ABAT: variants seen among roughly 807,000 people sequenced by gnomAD.
ABAT encodes 4-aminobutyrate aminotransferase, mitochondrial.
A neutral mutation model predicts 64.6 loss-of-function variants in ABAT; 45 were observed. The ratio of observed to expected loss-of-function variants is 0.70; its 90% CI spans 0.55 to 0.89. The LOEUF (loss-of-function observed/expected upper bound fraction) is 0.89, where lower values mean the gene tolerates loss of function less well. Among genes scored for constraint, ABAT ranks in the 40% least tolerant of loss-of-function variants. ABAT has a pLI of 0.00. For synonymous variants in ABAT, 297 were observed against 250.5 expected (o/e 1.19, Z -1.75); for missense variants, 633 against 658.4 (o/e 0.96, Z 0.42).
chr16:8,753,518 C>G (rs1033452701), intron 5 of ABAT, among the ~76,000 whole-genome samples: 1 of 152,218 alleles, frequency 6.6e-6, no homozygotes, highest in African/African-American at 2.4e-5. Flanking sequence ...GGACCAGCTC[C>G]GCTTTCATCT....
intron 3 of ABAT, among the ~76,000 whole-genome samples, chr16:8,746,726 AAAAG>A (rs1021070409): frequency 2.0e-5 from 3 of 152,096 alleles, no homozygotes; most frequent in African/African-American, 4.8e-5. Flanking sequence ...AAAAAAAAGA[AAAAG>A]AAGCCAACGA....
intron 1 of ABAT, among the ~76,000 whole-genome samples, chr16:8,724,075 A>G (rs1326459404): frequency 1.3e-5 from 2 of 151,810 alleles, no homozygotes; most frequent in African/African-American, 4.8e-5. Context: ...TCCTGACCTC[A>G]GGTGATCCAT....
chr16:8,764,610 C>A lies in ABAT; in HGVS notation c.448-128C>A, dbSNP rs1444381419. 7 of 922,244 alleles carry A rather than the reference C, an allele frequency of 7.6e-6. No homozygotes were observed. The highest frequency in any genetic ancestry group is 1.2e-5 in the Non-Finnish European group (7 of 574,196). 57.1% of individuals were successfully genotyped at this position (922,244 alleles called of 1,614,324 possible). The stretch of plus-strand genomic sequence containing the variant: ...CTGAGCCCACCCTCCCAGTCCGACA[C>A]CTTCCAGGACAGCCCTGGTTCTGTC... On this transcript the variant is annotated intron_variant, in intron 7 of 15. Transcript: ENST00000268251. This position sits in a 1 kb window ranked among gnomAD's most constrained non-coding sequence, Gnocchi z 4.2.
At chr16:8,735,399 G>A (rs2058890917) in intron 1 of ABAT, among the ~76,000 whole-genome samples, 1 of 151,904 alleles carries the variant, frequency 6.6e-6, no homozygotes, top group Non-Finnish European at 1.5e-5. Flanking sequence ...CTATAGGCAG[G>A]CACCACCACA....
At chr16:8,681,458 C>CTTT (rs34327953) in intron 1 of ABAT, among the ~76,000 whole-genome samples, 2,381 of 133,650 alleles carry the variant, frequency 0.018, 65 homozygotes, top group Middle Eastern at 0.048. Context: ...AGCCTCTACA[C>CTTT]TTTTTTTTTT....
chr16:8,682,370 AT>A (rs2141918394), intron 1 of ABAT, among the ~76,000 whole-genome samples: 1 of 152,258 alleles, frequency 6.6e-6, no homozygotes, highest in South Asian at 2.1e-4. Context: ...AATGAATCCA[AT>A]TTACAAATTC....
chr16:8,753,804 C>T (rs1292589690), intron 5 of ABAT, among the ~76,000 whole-genome samples: 1 of 152,140 alleles, frequency 6.6e-6, no homozygotes, highest in Non-Finnish European at 1.5e-5. Context: ...CCCTCCAAGG[C>T]TGTCTCATCC....
At chr16:8,739,716 C>G (rs2059106415) in intron 2 of ABAT, among the ~76,000 whole-genome samples, 2 of 151,664 alleles carry the variant, frequency 1.3e-5, no homozygotes, top group Non-Finnish European at 1.5e-5. Flanking sequence ...TGTCCTAACT[C>G]CCATTTTACA....
intron 14 of ABAT, among the ~76,000 whole-genome samples, chr16:8,778,100 A>G (rs1567318701): frequency 6.6e-6 from 1 of 152,034 alleles, no homozygotes; most frequent in African/African-American, 2.4e-5. Context: ...CCCTGAAATT[A>G]TTTGGGGTTT....
intron 1 of ABAT, among the ~76,000 whole-genome samples, chr16:8,701,304 G>A (rs1395340694): frequency 1.3e-5 from 2 of 151,728 alleles, no homozygotes; most frequent in Non-Finnish European, 2.9e-5. Flanking sequence ...GGAGCATATA[G>A]TAGTGAGCTG....
At chr16:8,736,013 T>A (rs1262500771) in intron 2 of ABAT, 2 of 572,670 alleles carry the variant, frequency 3.5e-6, no homozygotes, top group East Asian at 3.0e-5. Flanking sequence ...AGAGGTTTAA[T>A]GGTCTCACAG....
intron 1 of ABAT, among the ~76,000 whole-genome samples, chr16:8,691,126 G>A (rs2057570200): frequency 6.6e-6 from 1 of 151,826 alleles, no homozygotes; most frequent in African/African-American, 2.4e-5. Flanking sequence ...GCCCATATTG[G>A]CACATAGCTT....
At chr16:8,681,228 C>G (rs994801395) in intron 1 of ABAT, among the ~76,000 whole-genome samples, 1 of 151,586 alleles carries the variant, frequency 6.6e-6, no homozygotes, top group African/African-American at 2.4e-5. Flanking sequence ...TAGGATCAAG[C>G]GATTCTCCCA....
chr16:8,750,149 G>C (rs900863688), intron 4 of ABAT, among the ~76,000 whole-genome samples: 13 of 152,060 alleles, frequency 8.5e-5, no homozygotes, highest in African/African-American at 3.1e-4. Flanking sequence ...TAACAGAATC[G>C]ACTTCAGATT....
chr16:8,758,396 TCG>T (rs2059703933), intron 6 of ABAT, among the ~76,000 whole-genome samples: 1 of 151,494 alleles, frequency 6.6e-6, no homozygotes, highest in Non-Finnish European at 1.5e-5. Context: ...AGGCCACGAG[TCG>T]GGAGGAATGG....
chr16:8,693,938 T>C (rs764180461), intron 1 of ABAT, among the ~76,000 whole-genome samples: 1 of 152,216 alleles, frequency 6.6e-6, no homozygotes, highest in Non-Finnish European at 1.5e-5. Flanking sequence ...GGCACCATCT[T>C]ACTAACCCAT....
chr16:8,737,991 G>GGAAGGAAGGAAGGAAGGAA (rs1567295685), intron 2 of ABAT, among the ~76,000 whole-genome samples: 1 of 14,962 alleles, frequency 6.7e-5, no homozygotes. Flanking sequence ...GAAGGAAGGA[G>GGAAGGAAGGAAGGAAGGAA]GAAAGAAAGA....
At chr16:8,719,960 T>A (rs2058321349) in intron 1 of ABAT, among the ~76,000 whole-genome samples, 1 of 152,162 alleles carries the variant, frequency 6.6e-6, no homozygotes, top group Non-Finnish European at 1.5e-5. Context: ...TACAGGCACC[T>A]GCCACCACGC....
intron 5 of ABAT, among the ~76,000 whole-genome samples, chr16:8,752,362 G>A (rs2059513895): frequency 6.6e-6 from 1 of 152,148 alleles, no homozygotes; most frequent in Admixed American, 6.5e-5. Context: ...TATATTAGCT[G>A]TGGGACTGTG....
Sources: allele counts gnomAD v4.1 joint callset (sites outside exome capture counted in the v4.1 genomes callset), GRCh38; gene constraint gnomAD v4.1.1; non-coding constraint Gnocchi (gnomAD v3.1); transcripts MANE v1.5; gene names NCBI Gene and HGNC (gene_info 2026-07-23, HGNC 2026-07-21).